The following LMX1B variants were observed in gnomAD, a reference collection of about 807,000 sequenced individuals.
The protein encoded by LMX1B is LIM homeobox transcription factor 1 beta.
In LMX1B, 12 loss-of-function variants were observed where a neutral mutation model predicts 51.4. The ratio of observed to expected loss-of-function variants is 0.23; its 90% CI spans 0.15 to 0.38. The LOEUF (loss-of-function observed/expected upper bound fraction) is 0.38, where lower values mean the gene tolerates loss of function less well. Among genes scored for constraint, LMX1B ranks in the 10% least tolerant of loss-of-function variants. LMX1B has a pLI of 1.00. For synonymous variants in LMX1B, 237 were observed against 235.4 expected, an observed-to-expected ratio of 1.01 and a Z score of -0.06; for missense variants, 445 against 571.1, an observed-to-expected ratio of 0.78 and a Z score of 2.25.
chr9:126,669,404 C>T (rs1435487087), intron 2 of LMX1B, among the ~76,000 whole-genome samples: 1 of 152,158 alleles, frequency 6.6e-6, no homozygotes, highest in African/African-American at 2.4e-5. Context: ...CCTGGGCCTC[C>T]CTGGACTTCT....
intron 2 of LMX1B, among the ~76,000 whole-genome samples, chr9:126,688,268 T>C (rs1277774539): frequency 6.6e-6 from 1 of 152,198 alleles, no homozygotes; most frequent in East Asian, 1.9e-4. Flanking sequence ...GCGCGGCTGT[T>C]CTGAGCACAG....
intron 2 of LMX1B, among the ~76,000 whole-genome samples, chr9:126,688,566 C>T (rs1437287825): frequency 1.3e-5 from 2 of 152,204 alleles, no homozygotes; most frequent in Non-Finnish European, 2.9e-5. Context: ...GTCAGAGCAC[C>T]GGGTTCTACA....
At chr9:126,662,726 C>G (rs536835402) in intron 2 of LMX1B, among the ~76,000 whole-genome samples, 1 of 152,362 alleles carries the variant, frequency 6.6e-6, no homozygotes, top group East Asian at 1.9e-4. Flanking sequence ...CCCATTGTTG[C>G]TGGGCTCAGC....
chr9:126,696,220 G>A (rs1028581601), intron 7 of LMX1B, 74 bp from the exon 8 acceptor site: 2 of 1,446,430 alleles, frequency 1.4e-6, no homozygotes, highest in African/African-American at 2.8e-5. Flanking sequence ...CAGTCACACA[G>A]CCTACAGGGC....
intron 2 of LMX1B, among the ~76,000 whole-genome samples, chr9:126,672,862 G>A (rs574134234): frequency 2.0e-5 from 3 of 152,326 alleles, no homozygotes; most frequent in East Asian, 1.9e-4. Context: ...AAGCGGAAGC[G>A]TTGGCTTTTA....
At chr9:126,664,499 C>G (rs977673442) in intron 2 of LMX1B, among the ~76,000 whole-genome samples, 2 of 152,248 alleles carry the variant, frequency 1.3e-5, no homozygotes, top group African/African-American at 4.8e-5. Flanking sequence ...AAGTCCCTTC[C>G]CTGCTGGGAG....
chr9:126,690,164 C>A (rs983459812), intron 2 of LMX1B, among the ~76,000 whole-genome samples: 8 of 152,168 alleles, frequency 5.3e-5, no homozygotes, highest in African/African-American at 1.9e-4. Flanking sequence ...CATGAAGGGC[C>A]TTGAGTGCCA....
chr9:126,660,068 GTC>G (rs146669136), intron 2 of LMX1B, among the ~76,000 whole-genome samples: 1 of 86,796 alleles, frequency 1.2e-5, no homozygotes, highest in African/African-American at 4.1e-5. Context: ...GCGTGGGGGT[GTC>G]TACACTGGCT....
At chr9:126,663,198 G>C (rs540800752) in intron 2 of LMX1B, among the ~76,000 whole-genome samples, 1 of 102,384 alleles carries the variant, frequency 9.8e-6, no homozygotes, top group Admixed American at 8.8e-5. Flanking sequence ...AGGTTGAGGC[G>C]GGCGGATCAC....
intron 3 of LMX1B, among the ~76,000 whole-genome samples, chr9:126,692,698 TTTGC>T (rs1356183816): frequency 3.9e-5 from 6 of 152,252 alleles, no homozygotes; most frequent in Admixed American, 2.0e-4. Context: ...GGTGTGTGTC[TTTGC>T]TTGCACACTT....
At chr9:126,667,942 G>A (rs1836375287) in intron 2 of LMX1B, among the ~76,000 whole-genome samples, 1 of 152,238 alleles carries the variant, frequency 6.6e-6, no homozygotes, top group Non-Finnish European at 1.5e-5. Context: ...TTTCAGCTGA[G>A]TGGTAGCTTA....
At chr9:126,631,071 G>A (rs886196979) in intron 2 of LMX1B, among the ~76,000 whole-genome samples, 1 of 152,254 alleles carries the variant, frequency 6.6e-6, no homozygotes, top group African/African-American at 2.4e-5. Context: ...AGCCAAAGGG[G>A]CGGGCAGGGC....
intron 2 of LMX1B, among the ~76,000 whole-genome samples, chr9:126,672,331 C>G (rs540406622): frequency 1.3e-5 from 2 of 152,362 alleles, no homozygotes; most frequent in African/African-American, 2.4e-5. Context: ...TCAGGGGCCT[C>G]CCTCACAGGC....
intron 2 of LMX1B, among the ~76,000 whole-genome samples, chr9:126,619,020 C>G (rs371052385): frequency 1.3e-5 from 2 of 152,068 alleles, no homozygotes; most frequent in African/African-American, 4.8e-5. Context: ...AGCCTCTCGG[C>G]GACACAGACT....
At chr9:126,623,884 G>T (rs1403524507) in intron 2 of LMX1B, among the ~76,000 whole-genome samples, 1 of 152,182 alleles carries the variant, frequency 6.6e-6, no homozygotes, top group Non-Finnish European at 1.5e-5. Flanking sequence ...GGCTTTCAGC[G>T]GCCTCCACCC....
chr9:126,667,446 A>G (rs1836363202), intron 2 of LMX1B, among the ~76,000 whole-genome samples: 1 of 152,206 alleles, frequency 6.6e-6, no homozygotes, highest in Non-Finnish European at 1.5e-5. Context: ...ATCCTGGTAC[A>G]TATATCTTTG....
In LMX1B at chr9:126,618,333, A is replaced by C. The variant is rs2118831136; in HGVS notation, c.326+2764A>C. On this transcript the variant is annotated intron_variant, in intron 2 of 7. Coordinates refer to ENST00000373474, the MANE Select transcript of LMX1B (RefSeq NM_001174147.2). This position sits in a 1 kb window ranked among gnomAD's most constrained non-coding sequence, Gnocchi z 4.5. ...TTCGATTTGTTCTCAAAGATCCCAG[A>C]CACCCAGAAGTGCCAAGTTGTCTTA... 6.6e-6 allele frequency among the ~76,000 whole-genome samples: 1 copy of C among 152,306 alleles called. No homozygotes were observed. The highest frequency in any genetic ancestry group is 1.5e-5 in the Non-Finnish European group (1 of 68,022).
chr9:126,655,367 A>G (rs55708796), intron 2 of LMX1B, among the ~76,000 whole-genome samples: 60,678 of 151,838 alleles, frequency 0.4, 13,065 homozygotes, highest in African/African-American at 0.5. Context: ...GCTGGAGGAG[A>G]ATGCCGGTGG....
intron 2 of LMX1B, among the ~76,000 whole-genome samples, chr9:126,644,209 A>G (rs1048207802): frequency 6.6e-6 from 1 of 152,164 alleles, no homozygotes; most frequent in Non-Finnish European, 1.5e-5. Flanking sequence ...GTCGTTTCCC[A>G]GGCTGGAGAG....
Sources: gnomAD v4.1 joint callset for allele counts (sites outside exome capture counted in the v4.1 genomes callset) on GRCh38, gnomAD v4.1.1 for gene constraint, Gnocchi (gnomAD v3.1) non-coding constraint, MANE v1.5 for transcripts, NCBI Gene and HGNC (gene_info 2026-07-23, HGNC 2026-07-21) for gene names.